The following LYST variants were observed in gnomAD, a reference collection of about 807,000 sequenced individuals.
The protein encoded by LYST is lysosomal-trafficking regulator.
LYST carries 192 observed loss-of-function variants against 413.6 expected under a neutral mutation model. The ratio of observed to expected loss-of-function variants is 0.46; its 90% CI spans 0.41 to 0.52. The LOEUF is 0.52. Ranked by LOEUF, LYST falls within the 20% of genes least tolerant of loss-of-function variation. LYST has a pLI of 0.00. For synonymous variants in LYST, 1,525 were observed against 1,567.3 expected (o/e 0.97, Z 0.64); for missense variants, 3,815 against 4,499.9 (o/e 0.85, Z 4.35).
At chr1:235,751,430 T>A in intron 27 of LYST, 68 bp from the exon 28 acceptor site, 1 of 1,277,336 alleles carries the variant, frequency 7.8e-7, no homozygotes, top group Non-Finnish European at 1.1e-6. Context: ...GAACTGATTT[T>A]ATGTATCATG....
rs73108814 is a variant in LYST, at chr1:235,800,811, A to G, written c.3939+60T>C. 4,031 of 1,143,238 alleles carry G rather than the reference A, an allele frequency of 3.5e-3. 95 individuals are homozygous for G. The African/African-American group carries it at 0.053, about 15-fold the overall frequency. 70.8% of individuals were successfully genotyped at this position (1,143,238 alleles called of 1,614,324 possible). A position where few individuals can be genotyped will look rare whatever the true frequency, so the allele number is the denominator to read the frequency against. ...GAAAAGCTGGGTTATACATAAGGAG[A>G]TGTTATTGGGTGATGAGTCTGATAA... On this transcript the variant is annotated intron_variant, in intron 9 of 52. Coordinates refer to ENST00000389793, the MANE Select transcript of LYST (RefSeq NM_000081.4).
Position 235,686,159 on chromosome 1 carries a change from G to C in LYST, c.10800+790C>G, listed in dbSNP as rs1003909334. On this transcript the variant is annotated intron_variant, in intron 48 of 52. Coordinates refer to ENST00000389793, the MANE Select transcript of LYST (RefSeq NM_000081.4). This position sits in a 1 kb window ranked among gnomAD's most constrained non-coding sequence, Gnocchi z 4.0. ...AGGTGGGAGGATCACTTGAAGCCAG[G>C]AGTTCGAGACCAGCCTGGCCAACAT... Among the ~76,000 whole-genome samples, 1 of 152,074 alleles carries C rather than the reference G, an allele frequency of 6.6e-6. No individual in the cohort carries two copies. The highest frequency in any genetic ancestry group is 1.5e-5 in the Non-Finnish European group (1 of 68,006).
Position 235,723,371 on chromosome 1 carries a change from A to AT in LYST, c.9315+656dup, listed in dbSNP as rs1282676116. Among the ~76,000 whole-genome samples, 3 of 152,198 alleles carry AT rather than the reference A, an allele frequency of 2.0e-5. No individual in the cohort carries two copies. The East Asian group carries it at 5.8e-4, about 29-fold the overall frequency. The stretch of plus-strand genomic sequence containing the variant: ...AGAATACAGATGGTATTTTAAAGTC[A>AT]TAAGACTGGATGAGAAGAGAAGAGG... On this transcript the variant is annotated intron_variant, in intron 39 of 52. Coordinates refer to ENST00000389793, the MANE Select transcript of LYST (RefSeq NM_000081.4).
chr1:235,696,427 G>GC (rs1442271373), intron 46 of LYST, among the ~76,000 whole-genome samples: 1 of 152,198 alleles, frequency 6.6e-6, no homozygotes, highest in Non-Finnish European at 1.5e-5. Context: ...ACAGATGAGT[G>GC]CCCTAGGTCA....
At chr1:235,687,190 T>C (rs1406714252) in intron 47 of LYST, 143 bp from the exon 48 acceptor site, 6 of 667,494 alleles carry the variant, frequency 9.0e-6, no homozygotes, top group Admixed American at 2.4e-5. Context: ...TAGGTAAACA[T>C]TTCTTGAAAC....
At chr1:235,861,315 T>C (rs893517372) in intron 1 of LYST, among the ~76,000 whole-genome samples, 7 of 152,224 alleles carry the variant, frequency 4.6e-5, no homozygotes, top group African/African-American at 1.4e-4. Context: ...TAATCTTTCA[T>C]GTTATTAGGT....
chr1:235,811,887 A>G (rs927824776), intron 4 of LYST, among the ~76,000 whole-genome samples: 1 of 152,170 alleles, frequency 6.6e-6, no homozygotes, highest in Non-Finnish European at 1.5e-5. Context: ...AGAAAAAAAT[A>G]AAAGCAGAGA....
chr1:235,713,315 C>A, intron 42 of LYST: 1 of 534,782 alleles, frequency 1.9e-6, no homozygotes, highest in Non-Finnish European at 2.4e-6. Flanking sequence ...TTCTCAAAAA[C>A]AAACAAAAAA....
intron 39 of LYST, among the ~76,000 whole-genome samples, chr1:235,722,323 T>C (rs1663446155): frequency 6.6e-6 from 1 of 152,136 alleles, no homozygotes; most frequent in African/African-American, 2.4e-5. Context: ...AAAGATATGA[T>C]CCAACATACT....
intron 10 of LYST, among the ~76,000 whole-genome samples, chr1:235,798,053 C>A (rs1671751673): frequency 6.6e-6 from 1 of 152,060 alleles, no homozygotes; most frequent in Non-Finnish European, 1.5e-5. Flanking sequence ...TAGGGAAATA[C>A]AAATCAAAAT....
chr1:235,707,691 T>A (rs943384187), intron 44 of LYST, among the ~76,000 whole-genome samples: 1 of 152,056 alleles, frequency 6.6e-6, no homozygotes, highest in Non-Finnish European at 1.5e-5. Flanking sequence ...CTTAAGGAAG[T>A]AAAGATGTAC....
intron 1 of LYST, among the ~76,000 whole-genome samples, chr1:235,844,564 G>T (rs1677575598): frequency 6.6e-6 from 1 of 152,110 alleles, no homozygotes; most frequent in Non-Finnish European, 1.5e-5. Context: ...CTGTCGATTA[G>T]AAATTAGACA....
rs1660222021 is a variant in LYST, at chr1:235,686,361, T to C, written c.10800+588A>G. Among the ~76,000 whole-genome samples the C allele has an allele frequency of 6.6e-6, 1 of 152,180 alleles. No individual in the cohort carries two copies. Among genetic ancestry groups the C allele is most frequent in the African/African-American group, 2.4e-5 (1 of 41,442 alleles). ...CAGCTTAGGCAAGAGAGGGAGGTTC[T>C]GTCTCAAAAAACAAAAACAAAACAA... On this transcript the variant is annotated intron_variant, in intron 48 of 52. Transcript: ENST00000389793. The surrounding 1 kb of genome is among the most constrained non-coding windows in gnomAD (Gnocchi z 4.0).
chr1:235,836,523 G>A (rs922435770), intron 1 of LYST, among the ~76,000 whole-genome samples: 1 of 152,172 alleles, frequency 6.6e-6, no homozygotes, highest in Non-Finnish European at 1.5e-5. Context: ...TCTGGGAAAC[G>A]TGCGTTCCAA....
intron 1 of LYST, among the ~76,000 whole-genome samples, chr1:235,834,490 G>A (rs1354514162): frequency 3.3e-5 from 5 of 151,960 alleles, no homozygotes; most frequent in Admixed American, 6.6e-5. Context: ...TGCCCACCTC[G>A]GCCTCCCAAA....
rs368500877 is a variant in LYST at position 235,746,446 on chromosome 1, A to G, written c.7862T>C (p.Met2621Thr). 237 of 1,613,942 alleles carry G rather than the reference A, an allele frequency of 1.5e-4. 1 individual carries two copies. The highest frequency in any genetic ancestry group is 1.9e-4 in the Non-Finnish European group (226 of 1,179,886). The change falls in exon 29 of 53, where the codon ATG (methionine) becomes ACG (threonine). Residue 2621 changes from methionine to threonine, a missense_variant. Around this residue, in one of 4 missense-constraint regions of LYST, gnomAD observed 771 missense variants for 837.1 expected, o/e 0.92. Transcript: ENST00000389793. ...CTCTTGGCTCATTCTCCGTTGCATC[A>G]TCACATGAAGCTCATCATTTGCCAC... The part of the protein sequence containing the change: ...RSVANDELHV[M>T]MQRRMSQENP...
At chr1:235,845,265 G>C (rs1677687311) in intron 1 of LYST, among the ~76,000 whole-genome samples, 1 of 152,152 alleles carries the variant, frequency 6.6e-6, no homozygotes, top group African/African-American at 2.4e-5. Flanking sequence ...GACCTTACCT[G>C]AGCTGAATCA....
chr1:235,770,069 C>A, intron 20 of LYST, 91 bp downstream of exon 20: 1 of 1,164,944 alleles, frequency 8.6e-7, no homozygotes, highest in Non-Finnish European at 1.3e-6. Context: ...GAAAAAAAGT[C>A]CCATTGAAAG....
chr1:235,709,106 A>G lies in LYST; in HGVS notation c.10128T>C (p.Asn3376=), dbSNP rs1572043530. The G allele has an allele frequency of 6.2e-7, 1 of 1,614,012 alleles. No homozygotes were observed. Among genetic ancestry groups the G allele is most frequent in the Non-Finnish European group, 8.5e-7 (1 of 1,179,878 alleles). Reference sequence around the variant, plus strand: ...AGTCACTTACAGCAGGATGAAAAACATTGATCGCTTGAACAGAAGCCTTCC... The same window carrying G: ...AGTCACTTACAGCAGGATGAAAAACGTTGATCGCTTGAACAGAAGCCTTCC... ...QKGKASVQAI[N]VFHPATYFGM... The change falls in exon 44 of 53, where the codon AAT becomes AAC. Residue 3376 remains asparagine, a synonymous_variant. Transcript: ENST00000389793.
Sources: gnomAD v4.1 joint callset for allele counts (sites outside exome capture counted in the v4.1 genomes callset) on GRCh38, gnomAD v4.1.1 for gene constraint, gnomAD v4.1.1 regional missense constraint, Gnocchi (gnomAD v3.1) non-coding constraint, MANE v1.5 for transcripts, NCBI Gene and HGNC (gene_info 2026-07-23, HGNC 2026-07-21) for gene names.